The following MACROD2 variants were observed in gnomAD, a reference collection of about 807,000 sequenced individuals.
MACROD2 encodes the protein mono-ADP ribosylhydrolase 2, also known as ADP-ribose glycohydrolase MACROD2.
In MACROD2, 36 loss-of-function variants were observed where a neutral mutation model predicts 70.4. That is an observed-to-expected ratio of 0.51 (90% CI 0.39 to 0.68). The LOEUF (loss-of-function observed/expected upper bound fraction) is 0.68. Among genes scored for constraint, MACROD2 ranks in the 30% least tolerant of loss-of-function variants. The pLI is 0.00. For missense variants in MACROD2, 496 were observed against 538.4 expected, an observed-to-expected ratio of 0.92 and a Z score of 0.78; for synonymous variants, 172 against 178.8, an observed-to-expected ratio of 0.96 and a Z score of 0.30.
intron 8 of MACROD2, among the ~76,000 whole-genome samples, chr20:15,538,338 A>G (rs1480780341): frequency 6.6e-6 from 1 of 152,212 alleles, no homozygotes; most frequent in East Asian, 1.9e-4. Context: ...GGGTAGAATC[A>G]ATAGGACCCA....
At chr20:15,659,197 G>A (rs753013438) in intron 8 of MACROD2, among the ~76,000 whole-genome samples, 1 of 150,278 alleles carries the variant, frequency 6.7e-6, no homozygotes, top group Non-Finnish European at 1.5e-5. Context: ...GTCTTGGTTT[G>A]TAGGTATATG....
At chr20:15,386,919 C>T (rs1357065032) in intron 6 of MACROD2, among the ~76,000 whole-genome samples, 1 of 152,166 alleles carries the variant, frequency 6.6e-6, no homozygotes, top group Non-Finnish European at 1.5e-5. Flanking sequence ...CCTCTGTGAT[C>T]CCTGACAGAA....
chr20:14,198,447 T>C (rs1472585656), intron 3 of MACROD2, among the ~76,000 whole-genome samples: 2 of 152,232 alleles, frequency 1.3e-5, no homozygotes, highest in Non-Finnish European at 2.9e-5. Context: ...ATGTATAATT[T>C]CTGTATCAAT....
chr20:15,143,976 C>G (rs2076212049), intron 5 of MACROD2, among the ~76,000 whole-genome samples: 1 of 145,848 alleles, frequency 6.9e-6, no homozygotes, highest in African/African-American at 2.6e-5. Context: ...AAAAAAAAAA[C>G]CTCATAATAT....
At chr20:15,425,582 G>C (rs1475826292) in intron 6 of MACROD2, among the ~76,000 whole-genome samples, 1 of 152,188 alleles carries the variant, frequency 6.6e-6, no homozygotes, top group Non-Finnish European at 1.5e-5. Flanking sequence ...TGTTGGCTAA[G>C]CAATTGAAAA....
At chr20:15,004,506 C>A (rs891600842) in intron 5 of MACROD2, among the ~76,000 whole-genome samples, 2 of 152,144 alleles carry the variant, frequency 1.3e-5, no homozygotes, top group African/African-American at 4.8e-5. Flanking sequence ...GGGTGTACTA[C>A]CAGATAGCTA....
At chr20:16,032,940 TG>T (rs1279799637) in intron 15 of MACROD2, among the ~76,000 whole-genome samples, 1 of 152,086 alleles carries the variant, frequency 6.6e-6, no homozygotes, top group Non-Finnish European at 1.5e-5. Context: ...AAAATGCCTC[TG>T]AAGAGCAGCA....
chr20:14,391,152 G>A (rs1180816540), intron 3 of MACROD2, among the ~76,000 whole-genome samples: 1 of 152,098 alleles, frequency 6.6e-6, no homozygotes, highest in Non-Finnish European at 1.5e-5. Context: ...CAGTTGTTCT[G>A]TTATAAAGAT....
intron 4 of MACROD2, among the ~76,000 whole-genome samples, chr20:14,529,993 G>A (rs1255117942): frequency 6.6e-6 from 1 of 152,196 alleles, no homozygotes; most frequent in Non-Finnish European, 1.5e-5. Flanking sequence ...TAGAGGCGGA[G>A]GGGAAGTGAT....
intron 4 of MACROD2, among the ~76,000 whole-genome samples, chr20:14,516,791 A>G (rs2085105030): frequency 6.6e-6 from 1 of 152,134 alleles, no homozygotes; most frequent in Non-Finnish European, 1.5e-5. Context: ...AAATCTATCC[A>G]TCTGACAAAG....
intron 5 of MACROD2, among the ~76,000 whole-genome samples, chr20:14,877,861 T>C (rs2073567580): frequency 6.6e-6 from 1 of 152,160 alleles, no homozygotes. Context: ...TGTATGCTGC[T>C]GGATTCAGTT....
intron 5 of MACROD2, among the ~76,000 whole-genome samples, chr20:15,068,691 G>T (rs1048381027): frequency 3.3e-5 from 5 of 152,182 alleles, no homozygotes; most frequent in African/African-American, 1.2e-4. Context: ...CAGAAGCTGA[G>T]TAGATATGGG....
At chr20:15,140,587 C>G (rs928670524) in intron 5 of MACROD2, among the ~76,000 whole-genome samples, 3 of 152,028 alleles carry the variant, frequency 2.0e-5, no homozygotes, top group African/African-American at 7.2e-5. Flanking sequence ...AATTTAACTC[C>G]TCTACACTCA....
intron 5 of MACROD2, among the ~76,000 whole-genome samples, chr20:14,737,349 G>A (rs1600606262): frequency 6.6e-6 from 1 of 152,076 alleles, no homozygotes; most frequent in Non-Finnish European, 1.5e-5. Flanking sequence ...CATCCAGTCT[G>A]TCATTGATGG....
intron 5 of MACROD2, among the ~76,000 whole-genome samples, chr20:15,159,745 T>A (rs1170781460): frequency 6.6e-6 from 1 of 151,486 alleles, no homozygotes; most frequent in Non-Finnish European, 1.5e-5. Flanking sequence ...ATAACACACA[T>A]ACACATGGGC....
At chr20:14,741,758 A>G (rs944325506) in intron 5 of MACROD2, among the ~76,000 whole-genome samples, 1 of 152,106 alleles carries the variant, frequency 6.6e-6, no homozygotes, top group Non-Finnish European at 1.5e-5. Flanking sequence ...TCTTTTTAAG[A>G]ATGCAGTATA....
chr20:14,751,309 TCCTC>T (rs1378021038), intron 5 of MACROD2, among the ~76,000 whole-genome samples: 1 of 115,668 alleles, frequency 8.6e-6, no homozygotes, highest in Admixed American at 8.1e-5. Context: ...AGTATTCAGT[TCCTC>T]CCTTTTTTTT....
chr20:15,471,751 A>G (rs190234908), intron 7 of MACROD2, among the ~76,000 whole-genome samples: 11 of 152,152 alleles, frequency 7.2e-5, no homozygotes, highest in Admixed American at 5.2e-4. Context: ...AAAAGAAGGA[A>G]TTATCCCCTA....
chr20:15,095,416 A>G (rs988138517), intron 5 of MACROD2, among the ~76,000 whole-genome samples: 1 of 151,822 alleles, frequency 6.6e-6, no homozygotes, highest in Middle Eastern at 3.2e-3. Flanking sequence ...TTCTTGAACC[A>G]ACCTTTGCTG....
Sources: allele counts gnomAD v4.1 joint callset (sites outside exome capture counted in the v4.1 genomes callset), GRCh38; gene constraint gnomAD v4.1.1; transcripts MANE v1.5; gene names NCBI Gene and HGNC (gene_info 2026-07-23, HGNC 2026-07-21).